RNF111: variants seen among roughly 807,000 people sequenced by gnomAD.
The protein encoded by RNF111 is E3 ubiquitin-protein ligase Arkadia.
Under a neutral mutation model 95.1 loss-of-function variants are expected in RNF111, and 17 were observed. That is an observed-to-expected ratio of 0.18 (90% confidence interval 0.12 to 0.27). The LOEUF is 0.27. RNF111 is among the 10% of genes least tolerant of loss of function. The pLI, the probability that RNF111 is intolerant of heterozygous loss-of-function variation, is 1.00. For missense variants in RNF111, 1,189 were observed against 1,210.4 expected, an observed-to-expected ratio of 0.98 and a Z score of 0.26; for synonymous variants, 440 against 414.8, an observed-to-expected ratio of 1.06 and a Z score of -0.74.
intron 1 of RNF111, among the ~76,000 whole-genome samples, chr15:59,026,785 A>G (rs911823289): frequency 5.3e-5 from 8 of 152,166 alleles, no homozygotes; most frequent in African/African-American, 1.9e-4. Flanking sequence ...AATAGTATGA[A>G]TTACTCCCTG....
Position 59,031,354 on chromosome 15 carries a change from A to G in RNF111, c.532A>G (p.Ser178Gly). 6.2e-7 allele frequency: 1 copy of G among 1,614,162 alleles called. No individual in the cohort carries two copies. The highest frequency in any genetic ancestry group is 8.5e-7 in the Non-Finnish European group (1 of 1,179,986). Reference sequence around the variant, plus strand: ...TTTGAATGCTAAAAGTAGAAGCCATAGTGCACGGTCTCATAAGTGGCCTCG... The same window carrying G: ...TTTGAATGCTAAAAGTAGAAGCCATGGTGCACGGTCTCATAAGTGGCCTCG... ...TILNAKSRSH[S>G]ARSHKWPRTE... The change falls in exon 2 of 14, where the codon AGT (serine) becomes GGT (glycine). Residue 178 changes from serine (S) to glycine (G), a missense_variant. Physicochemically the swap from Ser to Gly is moderately conservative, Grantham distance 56. Transcript: ENST00000348370.
At chr15:59,034,907 T>C (rs1488572637) in intron 2 of RNF111, among the ~76,000 whole-genome samples, 4 of 152,214 alleles carry the variant, frequency 2.6e-5, no homozygotes, top group Admixed American at 1.3e-4. Flanking sequence ...TTTCATACAA[T>C]GTGCTTGTAT....
At chr15:59,092,437 G>GGTTTT (rs1337017483) in intron 12 of RNF111, 100 bp from the exon 13 acceptor site, 9 of 1,293,336 alleles carry the variant, frequency 7.0e-6, no homozygotes, top group Admixed American at 3.2e-5. Context: ...GTGAATATGT[G>GGTTTT]GTTTTGTTTT....
chr15:58,994,537 G>A (rs1232565780), intron 1 of RNF111, among the ~76,000 whole-genome samples: 1 of 133,988 alleles, frequency 7.5e-6, no homozygotes, highest in African/African-American at 2.8e-5. Context: ...GAGTGCAGCA[G>A]TGTGATCTCG....
chr15:59,007,517 G>A (rs2039596297), intron 1 of RNF111, among the ~76,000 whole-genome samples: 1 of 152,106 alleles, frequency 6.6e-6, no homozygotes, highest in East Asian at 1.9e-4. Flanking sequence ...TGAGTAAAGC[G>A]ATGAACATTC....
chr15:59,046,213 A>T (rs1215239791), intron 2 of RNF111, among the ~76,000 whole-genome samples: 10 of 143,838 alleles, frequency 7.0e-5, no homozygotes, highest in African/African-American at 2.6e-4. Context: ...TAATTTTTTG[A>T]GACAGGATTT....
At chr15:59,020,283 T>C (rs1358262204) in intron 1 of RNF111, among the ~76,000 whole-genome samples, 1 of 150,892 alleles carries the variant, frequency 6.6e-6, no homozygotes, top group African/African-American at 2.4e-5. Flanking sequence ...ATAGTAAATA[T>C]GCATTATATA....
chr15:59,085,564 T>C, intron 9 of RNF111, 95 bp from the exon 10 acceptor site: 1 of 1,078,904 alleles, frequency 9.3e-7, no homozygotes, highest in Non-Finnish European at 1.3e-6. Context: ...TTAAGAAACC[T>C]TAGATTACTT....
At chr15:58,995,751 G>A (rs971507930) in intron 1 of RNF111, among the ~76,000 whole-genome samples, 1 of 146,452 alleles carries the variant, frequency 6.8e-6, no homozygotes, top group Non-Finnish European at 1.5e-5. Context: ...GGCATGAGAT[G>A]CCGTGCCCCG....
intron 1 of RNF111, among the ~76,000 whole-genome samples, chr15:59,021,311 C>T (rs150073625): frequency 1.7e-3 from 251 of 152,002 alleles, no homozygotes; most frequent in African/African-American, 5.7e-3. Context: ...CCACCATGCC[C>T]GGCTAATTTT....
At chr15:59,064,453 G>A (rs1402573754) in intron 5 of RNF111, among the ~76,000 whole-genome samples, 1 of 148,586 alleles carries the variant, frequency 6.7e-6, no homozygotes, top group Non-Finnish European at 1.5e-5. Flanking sequence ...GGAGAATGGC[G>A]TGAACCCGGG....
chr15:59,080,891 A>G (rs1396197198), intron 7 of RNF111, 45 bp from the exon 8 acceptor site: 1 of 1,437,294 alleles, frequency 7.0e-7, no homozygotes, highest in Non-Finnish European at 9.6e-7. Context: ...TATATGTTCA[A>G]CTGCATGGTG....
intron 1 of RNF111, among the ~76,000 whole-genome samples, chr15:59,030,172 C>T (rs1170714877): frequency 6.6e-6 from 1 of 152,136 alleles, no homozygotes; most frequent in Non-Finnish European, 1.5e-5. Context: ...CAGCAGCCCA[C>T]AGTCTTGGCT....
chr15:59,048,339 G>A (rs891041558), intron 2 of RNF111, among the ~76,000 whole-genome samples: 7 of 152,160 alleles, frequency 4.6e-5, no homozygotes, highest in African/African-American at 1.7e-4. Flanking sequence ...AGTGAAAGGA[G>A]CCAAAAGTGT....
chr15:59,078,087 TCTGA>T (rs1384902548), intron 7 of RNF111, among the ~76,000 whole-genome samples: 5 of 152,346 alleles, frequency 3.3e-5, no homozygotes, highest in Non-Finnish European at 5.9e-5. Context: ...ACCTCCCAGC[TCTGA>T]CTAATTAGCT....
intron 6 of RNF111, among the ~76,000 whole-genome samples, chr15:59,074,694 A>G (rs1183061265): frequency 6.6e-6 from 1 of 152,154 alleles, no homozygotes; most frequent in African/African-American, 2.4e-5. Context: ...AGGGTGTTTC[A>G]GTTTCTTATC....
Position 59,094,926 on chromosome 15 carries a change from C to G in RNF111, c.*26C>G, listed in dbSNP as rs763763519. ...CACCATGTTTCAGAACTCTTGCCCT[C>G]CCTCTCATTCCCATCCTTCCTGGTA... On this transcript the variant is annotated 3_prime_UTR_variant, in exon 14 of 14. Coordinates refer to ENST00000348370, the MANE Select transcript of RNF111 (RefSeq NM_017610.8). 8 of 1,272,510 alleles carry G rather than the reference C, an allele frequency of 6.3e-6. No individual in the cohort carries two copies. The South Asian group carries it at 8.3e-5, about 13-fold the overall frequency. The allele number at this position is 1,272,510 out of a possible 1,614,324, so 78.8% of individuals were successfully genotyped here. A position where few individuals can be genotyped will look rare whatever the true frequency, so the allele number is the denominator to read the frequency against.
At chr15:59,089,805 G>A in intron 11 of RNF111, 46 bp downstream of exon 11, 1 of 1,303,316 alleles carries the variant, frequency 7.7e-7, no homozygotes, top group Non-Finnish European at 1.1e-6. Flanking sequence ...TATCTTTAAT[G>A]CAGATTGAGT....
intron 1 of RNF111, among the ~76,000 whole-genome samples, chr15:58,995,713 C>G (rs991522008): frequency 2.6e-5 from 4 of 151,522 alleles, no homozygotes; most frequent in Non-Finnish European, 4.4e-5. Context: ...ATCCACCTGC[C>G]TCAGCCTCCC....
Sources: gnomAD v4.1 joint callset for allele counts (sites outside exome capture counted in the v4.1 genomes callset) on GRCh38, gnomAD v4.1.1 for gene constraint, MANE v1.5 for transcripts, NCBI Gene and HGNC (gene_info 2026-07-23, HGNC 2026-07-21) for gene names.